The following RS1 variants were observed in gnomAD, a reference collection of about 807,000 sequenced individuals.
RS1 encodes retinoschisin.
RS1 carries 2 observed loss-of-function variants against 20.8 expected under a neutral mutation model. The ratio of observed to expected loss-of-function variants is 0.10; its 90% CI spans 0.04 to 0.30. RS1 has a LOEUF of 0.30. Among genes scored for constraint, RS1 ranks in the 10% least tolerant of loss-of-function variants. The pLI is 1.00. For missense variants in RS1, 151 were observed against 189.8 expected (o/e 0.80, Z 1.20); for synonymous variants, 70 against 75.8 (o/e 0.92, Z 0.40).
chrX:18,662,615 T>C (rs1224899810), intron 1 of RS1, among the ~76,000 whole-genome samples: 3 of 109,222 alleles, frequency 2.7e-5, no homozygotes, highest in Non-Finnish European at 5.7e-5. Context: ...TCCATGTCCC[T>C]ACATGAACTC....
rs1928323137 is a variant in RS1, at chrX:18,662,181, A to G, written c.53-4516T>C. On this transcript the variant is annotated intron_variant, in intron 1 of 5. Transcript: ENST00000379984. ...TTCCCAGCCTCCAGTATTGTACGAA[A>G]TAAATTTCTGTGGTTTATAAGCCAC... 2.7e-5 allele frequency among the ~76,000 whole-genome samples: 3 copies of G among 112,500 alleles called. No homozygotes were observed. The South Asian group carries it at 1.1e-3, about 41-fold the overall frequency.
chrX:18,647,419 G>T, intron 3 of RS1, 87 bp from the exon 4 acceptor site: 2 of 1,035,218 alleles, frequency 1.9e-6, no homozygotes, highest in Non-Finnish European at 2.7e-6. Context: ...AAACCCATCT[G>T]CTTTGCGCTT....
intron 3 of RS1, among the ~76,000 whole-genome samples, chrX:18,652,538 T>A (rs781289149): frequency 9.0e-6 from 1 of 111,283 alleles, no homozygotes; most frequent in Non-Finnish European, 1.9e-5. Context: ...GCGCAGTGGT[T>A]GGCACCTGTA....
chrX:18,648,699 G>A (rs755049816), intron 3 of RS1, among the ~76,000 whole-genome samples: 104 of 112,086 alleles, frequency 9.3e-4, no homozygotes, highest in Non-Finnish European at 1.7e-3. Flanking sequence ...GGGATTTCTG[G>A]TCAGGTTTTG....
chrX:18,648,912 G>A lies in RS1; in HGVS notation c.185-1580C>T, dbSNP rs148035942. Among the ~76,000 whole-genome samples the A allele has an allele frequency of 2.6e-3, 289 of 109,687 alleles. 2 individuals are homozygous for A. Among genetic ancestry groups the A allele is most frequent in the African/African-American group, 8.8e-3 (266 of 30,150 alleles). ...GGGCAACATAGGGAGACCCCATCTC[G>A]TGGCTCACGTCTATAGTCCCAGCTA... On this transcript the variant is annotated intron_variant, in intron 3 of 5. Coordinates refer to ENST00000379984, the MANE Select transcript of RS1 (RefSeq NM_000330.4).
rs61752063 is a variant in RS1, at chrX:18,647,231, A to G, written c.286T>C (p.Trp96Arg). 5.0e-6 allele frequency: 6 copies of G among 1,211,025 alleles called. No homozygotes were observed. The highest frequency in any genetic ancestry group is 6.7e-6 in the Non-Finnish European group (6 of 895,363). Residue 96 changes from tryptophan (W) to arginine (R), a missense_variant, in exon 4 of 6, where the codon TGG (tryptophan) becomes CGG (arginine). Transcript: ENST00000379984. ...PEQYVGWYSS[W>R]TANKARLNSQ... ...TTGAGCCGGGCCTTGTTTGCAGTCC[A>G]CGAAGAATACCAGCCCACATACTGC...
At chrX:18,651,545 G>A (rs988753391) in intron 3 of RS1, among the ~76,000 whole-genome samples, 2 of 111,130 alleles carry the variant, frequency 1.8e-5, no homozygotes, top group Non-Finnish European at 3.8e-5. Flanking sequence ...CAGAAAACTT[G>A]GGAAGGTCCC....
rs77541697 is a variant in RS1 at position 18,642,810 on chromosome X, C to T, written c.523-654G>A. On this transcript the variant is annotated intron_variant, in intron 5 of 5. Coordinates refer to ENST00000379984, the MANE Select transcript of RS1 (RefSeq NM_000330.4). ...ATCCCAGCACTTTGGGAGGCGGAGG[C>T]GGGCGGATCGTTTGAGGTCAGGAGT... is the stretch of plus-strand genomic sequence containing the variant. Among the ~76,000 whole-genome samples the T allele has an allele frequency of 1.2e-3, 135 of 110,216 alleles. 4 individuals are homozygous for T. In the East Asian group the frequency reaches 0.034, roughly 28 times the overall value.
intron 1 of RS1, among the ~76,000 whole-genome samples, chrX:18,667,227 T>G (rs1215344893): frequency 9.0e-6 from 1 of 111,416 alleles, no homozygotes; most frequent in East Asian, 2.8e-4. Flanking sequence ...GTGAGGCAGT[T>G]TCTGAAGGGC....
At chrX:18,656,833 C>T (rs1440254119) in intron 2 of RS1, 75 bp from the exon 3 acceptor site, 1 of 820,576 alleles carries the variant, frequency 1.2e-6, no homozygotes, top group African/African-American at 2.0e-5. Context: ...GGAGTGATCA[C>T]ACTCAGTCCT....
intron 1 of RS1, among the ~76,000 whole-genome samples, chrX:18,659,093 G>C (rs1928269466): frequency 8.9e-6 from 1 of 111,792 alleles, no homozygotes; most frequent in African/African-American, 3.3e-5. Context: ...CAGGTAAAGA[G>C]TTTGCATATA....
intron 3 of RS1, among the ~76,000 whole-genome samples, chrX:18,648,127 G>A (rs755565449): frequency 6.3e-5 from 7 of 111,091 alleles, no homozygotes; most frequent in Admixed American, 4.7e-4. Flanking sequence ...GCTTGAACCC[G>A]GGAGGCAGAG....
rs767312604 is a variant in RS1 at position 18,650,469 on chromosome X, G to T, written c.185-3137C>A. The T allele has an allele frequency of 1.2e-5, 14 of 1,211,845 alleles. No individual in the cohort carries two copies. Among genetic ancestry groups the T allele is most frequent in the Non-Finnish European group, 1.6e-5 (14 of 895,461 alleles). ...TCACACTCCGTGCGTCCCAAACCGA[G>T]CCCTTCATCGTCCAATCTCCAGTCC... is the stretch of plus-strand genomic sequence containing the variant. On this transcript the variant is annotated intron_variant, in intron 3 of 5. Transcript: ENST00000379984.
intron 1 of RS1, among the ~76,000 whole-genome samples, chrX:18,661,576 G>A (rs939846276): frequency 1.8e-5 from 2 of 111,530 alleles, no homozygotes; most frequent in African/African-American, 6.5e-5. Context: ...CAGATCACAC[G>A]TGGGCTTGCA....
chrX:18,658,347 T>C (rs1875958380), intron 1 of RS1, among the ~76,000 whole-genome samples: 1 of 112,006 alleles, frequency 8.9e-6, no homozygotes, highest in African/African-American at 3.2e-5. Context: ...GTCATTTTTC[T>C]ATGTGTATTT....
At chrX:18,653,353 G>T in intron 3 of RS1, 1 of 1,176,280 alleles carries the variant, frequency 8.5e-7, no homozygotes, top group East Asian at 3.2e-5. Context: ...TCCGTGGGGG[G>T]CCCGGGCATT....
chrX:18,643,878 TGAA>T (rs1399925147), intron 5 of RS1, among the ~76,000 whole-genome samples: 1 of 110,999 alleles, frequency 9.0e-6, no homozygotes, highest in African/African-American at 3.3e-5. Context: ...TAGTCAATGG[TGAA>T]GAAGACTTCT....
intron 4 of RS1, chrX:18,645,938 AAT>A: frequency 8.3e-7 from 1 of 1,206,667 alleles, no homozygotes. Context: ...TGGCCAATAG[AAT>A]ATGTTTGTGT....
intron 1 of RS1, among the ~76,000 whole-genome samples, chrX:18,669,318 C>T (rs956051053): frequency 9.2e-6 from 1 of 108,466 alleles, no homozygotes; most frequent in Non-Finnish European, 1.9e-5. Flanking sequence ...TGGAGAAACC[C>T]CGTCTCTACT....
Sources: gnomAD v4.1 joint callset for allele counts (sites outside exome capture counted in the v4.1 genomes callset) on GRCh38, gnomAD v4.1.1 for gene constraint, MANE v1.5 for transcripts, NCBI Gene and HGNC (gene_info 2026-07-23, HGNC 2026-07-21) for gene names.